Variants in CNTNAP2 observed in about 807,000 individuals in gnomAD.
CNTNAP2 encodes contactin associated protein 2, also known as contactin-associated protein-like 2.
In CNTNAP2, 98 loss-of-function variants were observed where a neutral mutation model predicts 155.2. The observed-to-expected ratio is 0.63, with a 90% CI of 0.54 to 0.75. The LOEUF (loss-of-function observed/expected upper bound fraction) is 0.75, where lower values mean the gene tolerates loss of function less well. Among genes scored for constraint, CNTNAP2 ranks in the 30% least tolerant of loss-of-function variants. The pLI, the probability that CNTNAP2 is intolerant of heterozygous loss-of-function variation, is 0.00. For missense variants in CNTNAP2, 1,727 were observed against 1,688.1 expected (o/e 1.02, Z -0.40); for synonymous variants, 651 against 631.2 (o/e 1.03, Z -0.47).
intron 9 of CNTNAP2, among the ~76,000 whole-genome samples, chr7:147,324,658 G>T (rs1356975553): frequency 6.6e-6 from 1 of 151,336 alleles, no homozygotes; most frequent in Non-Finnish European, 1.5e-5. Context: ...AATTTATATG[G>T]TCCCTTAAAA....
Position 146,605,462 on chromosome 7 carries a change from A to G in CNTNAP2, c.98-168809A>G, listed in dbSNP as rs150053627. Among the ~76,000 whole-genome samples, 52 of 144,966 alleles carry G rather than the reference A, an allele frequency of 3.6e-4. 4 individuals carry two copies. In the East Asian group the frequency reaches 9.9e-3, roughly 27 times the overall value. ...CCTCAACTGTATTAATGCACTTAGT[A>G]TAGTCATGTTATGCAGAAAAAAGGA... is the stretch of plus-strand genomic sequence containing the variant. On this transcript the variant is annotated intron_variant, in intron 1 of 23. Transcript: ENST00000361727.
intron 3 of CNTNAP2, among the ~76,000 whole-genome samples, chr7:146,843,389 C>T (rs1347709092): frequency 1.3e-5 from 2 of 151,966 alleles, no homozygotes; most frequent in African/African-American, 4.8e-5. Context: ...GAAGTCCACC[C>T]CCGTGATCCA....
At chr7:148,257,647 C>G (rs184425150) in intron 20 of CNTNAP2, among the ~76,000 whole-genome samples, 1 of 152,084 alleles carries the variant, frequency 6.6e-6, no homozygotes. Flanking sequence ...TTGTGGCTCT[C>G]AGCAATGTGG....
intron 13 of CNTNAP2, among the ~76,000 whole-genome samples, chr7:147,796,049 C>T (rs1458713924): frequency 6.6e-6 from 1 of 152,042 alleles, no homozygotes; most frequent in Non-Finnish European, 1.5e-5. Context: ...GGCCAGTAGC[C>T]CACAGATTAT....
At chr7:147,002,257 T>C (rs557657666) in intron 3 of CNTNAP2, among the ~76,000 whole-genome samples, 26 of 152,064 alleles carry the variant, frequency 1.7e-4, no homozygotes, top group Non-Finnish European at 1.9e-4. Context: ...AGACATGTAA[T>C]TATGAAACTT....
chr7:147,531,808 T>A (rs1477201426), intron 11 of CNTNAP2, among the ~76,000 whole-genome samples: 1 of 102,138 alleles, frequency 9.8e-6, no homozygotes, highest in Non-Finnish European at 2.2e-5. Context: ...TTTCTTTTCT[T>A]TTTTTTTTTT....
chr7:148,062,011 T>TAGATGATAGAGAG (rs1803163415), intron 15 of CNTNAP2, among the ~76,000 whole-genome samples: 21 of 84,200 alleles, frequency 2.5e-4, no homozygotes, highest in Non-Finnish European at 4.4e-4. Context: ...AGATAGATGA[T>TAGATGATAGAGAG]AGAGAGAGAG....
At chr7:146,472,635 C>T (rs963672898) in intron 1 of CNTNAP2, among the ~76,000 whole-genome samples, 1 of 152,084 alleles carries the variant, frequency 6.6e-6, no homozygotes, top group African/African-American at 2.4e-5. Context: ...TGTATCCAAG[C>T]TTTAAATCAA....
chr7:146,211,367 G>C (rs1387357535), intron 1 of CNTNAP2, among the ~76,000 whole-genome samples: 1 of 152,116 alleles, frequency 6.6e-6, no homozygotes, highest in Admixed American at 6.5e-5. Flanking sequence ...TTTCAAATAT[G>C]AATTCTTAAT....
At chr7:147,421,931 G>A (rs1322402751) in intron 10 of CNTNAP2, among the ~76,000 whole-genome samples, 7 of 151,790 alleles carry the variant, frequency 4.6e-5, no homozygotes, top group Non-Finnish European at 7.4e-5. Flanking sequence ...AAAGCTCCTT[G>A]AAACCTCCCC....
intron 3 of CNTNAP2, among the ~76,000 whole-genome samples, chr7:146,877,332 C>G (rs1232491072): frequency 6.6e-6 from 1 of 151,712 alleles, no homozygotes; most frequent in East Asian, 1.9e-4. Flanking sequence ...TGAGACCCCC[C>G]CATCTCTATA....
chr7:147,072,127 G>A (rs745398495), intron 4 of CNTNAP2, among the ~76,000 whole-genome samples: 16 of 152,126 alleles, frequency 1.1e-4, no homozygotes, highest in Non-Finnish European at 2.1e-4. Context: ...ATGGCTGGTT[G>A]AGCTTTGGAA....
At chr7:146,155,446 C>T (rs929952728) in intron 1 of CNTNAP2, among the ~76,000 whole-genome samples, 7 of 151,956 alleles carry the variant, frequency 4.6e-5, no homozygotes, top group South Asian at 4.2e-4. Context: ...CAATTTTATT[C>T]GTATAACTAT....
chr7:146,527,077 C>T (rs1313714496), intron 1 of CNTNAP2, among the ~76,000 whole-genome samples: 1 of 151,910 alleles, frequency 6.6e-6, no homozygotes, highest in Admixed American at 6.6e-5. Context: ...ATAAAAAATC[C>T]CTCTCACATT....
rs528916979 is a variant in CNTNAP2 at position 148,320,391 on chromosome 7, T to C, written c.3475+53265T>C. 7.9e-3 allele frequency among the ~76,000 whole-genome samples: 1,097 copies of C among 139,606 alleles called. 7 individuals carry two copies. The highest frequency in any genetic ancestry group is 0.027 in the African/African-American group (1,027 of 37,854). The allele number at this position is 139,606 out of a possible 152,430, so 91.6% of individuals were successfully genotyped here. On this transcript the variant is annotated intron_variant, in intron 21 of 23. Transcript: ENST00000361727. ...ATTTTTTTTTCTTTTTTTTTTTTTT[T>C]TTTTTTTTTTGAGATGGGGTCTCCA...
intron 3 of CNTNAP2, among the ~76,000 whole-genome samples, chr7:146,939,338 A>G (rs574147638): frequency 1.1e-4 from 16 of 152,192 alleles, no homozygotes; most frequent in Non-Finnish European, 2.4e-4. Flanking sequence ...CCACATCTAT[A>G]ACTAGCAAAT....
intron 3 of CNTNAP2, among the ~76,000 whole-genome samples, chr7:146,920,139 C>T (rs566819314): frequency 1.7e-4 from 26 of 152,236 alleles, no homozygotes; most frequent in Non-Finnish European, 2.2e-4. Context: ...ACTGGCCAGG[C>T]GTGGTGGCTT....
chr7:147,318,161 G>A (rs1041144637), intron 9 of CNTNAP2, among the ~76,000 whole-genome samples: 2 of 152,068 alleles, frequency 1.3e-5, no homozygotes, highest in Admixed American at 6.6e-5. Context: ...TGTAAAGTTC[G>A]CTGGGCGTTG....
chr7:147,289,828 G>C (rs1805261729), intron 8 of CNTNAP2, among the ~76,000 whole-genome samples: 2 of 152,068 alleles, frequency 1.3e-5, no homozygotes, highest in African/African-American at 4.8e-5. Flanking sequence ...TCCTGTTTAA[G>C]AGCAAATAAT....
Sources: gnomAD v4.1 joint callset for allele counts (sites outside exome capture counted in the v4.1 genomes callset) on GRCh38, gnomAD v4.1.1 for gene constraint, MANE v1.5 for transcripts, NCBI Gene and HGNC (gene_info 2026-07-23, HGNC 2026-07-21) for gene names.